The following NRAP variants were observed in gnomAD, a reference collection of about 807,000 sequenced individuals.
NRAP encodes nebulin related anchoring protein.
NRAP carries 189 observed loss-of-function variants against 225.9 expected under a neutral mutation model. That is an observed-to-expected ratio of 0.84 (90% CI 0.74 to 0.94). The LOEUF (loss-of-function observed/expected upper bound fraction) is 0.94. Among genes scored for constraint, NRAP ranks in the 40% least tolerant of loss-of-function variants. NRAP has a pLI of 0.00. For missense variants in NRAP, 2,176 were observed against 2,168.7 expected (o/e 1.00, Z -0.07); for synonymous variants, 769 against 790.7 (o/e 0.97, Z 0.46).
In NRAP at chr10:113,663,508, T is replaced by A. The variant is rs910055462; in HGVS notation, c.73-62A>T. On this transcript the variant is annotated intron_variant, in intron 1 of 41. Coordinates refer to ENST00000359988, the MANE Select transcript of NRAP (RefSeq NM_198060.4). ...TTTCCCCCCAGACTCAAGGTTCTTA[T>A]ATATTTTAGGGTAAAAAAATGAACT... 6.6e-6 allele frequency: 7 copies of A among 1,059,170 alleles called. No individual in the cohort carries two copies. The Admixed American group carries it at 1.4e-4, about 21-fold the overall frequency. The allele number at this position is 1,059,170 out of a possible 1,614,324, so 65.6% of individuals were successfully genotyped here. A position where few individuals can be genotyped will look rare whatever the true frequency, so the allele number is the denominator to read the frequency against.
chr10:113,602,958 A>G (rs1846697479), intron 35 of NRAP, among the ~76,000 whole-genome samples: 1 of 152,198 alleles, frequency 6.6e-6, no homozygotes, highest in South Asian at 2.1e-4. Flanking sequence ...AAGACCACGG[A>G]TGTTACTAAA....
In NRAP at chr10:113,604,741, G is replaced by C. The variant is rs764082203; in HGVS notation, c.4095C>G (p.His1365Gln). The change falls in exon 35 of 42, where the codon CAC becomes CAG. Residue 1365 changes from histidine to glutamine, a missense_variant. By Grantham distance (24) the His-to-Gln change is conservative. This residue lies in a region of NRAP where 1,708 missense variants were observed against 1,695.5 expected (regional missense o/e 1.01). Coordinates refer to ENST00000359988, the MANE Select transcript of NRAP (RefSeq NM_198060.4). ...CCTGGGCATTCTTGGCATGGACCAG[G>C]TGCACCATGTCCATGGGCAGATGGA... is the stretch of plus-strand genomic sequence containing the variant. ...AQFHLPMDMV[H>Q]LVHAKNAQAL... 15 of 1,614,078 alleles carry C rather than the reference G, an allele frequency of 9.3e-6. No individual in the cohort carries two copies. The South Asian group carries it at 1.3e-4, about 14-fold the overall frequency.
chr10:113,604,424 A>C (rs1334727346), intron 35 of NRAP, among the ~76,000 whole-genome samples, 185 bp downstream of exon 35: 5 of 152,176 alleles, frequency 3.3e-5, no homozygotes, highest in Non-Finnish European at 7.3e-5. Flanking sequence ...CTCAATAAAG[A>C]TTAGTTGAAT....
chr10:113,614,947 C>CT lies in NRAP; in HGVS notation c.3079-2dup. The stretch of plus-strand genomic sequence containing the variant: ...TGCTCCAGGATTCCTTATAACGCGT[C>CT]TGTCGGGAAGATGTGCACAAGGAAA... On this transcript the variant is annotated splice_acceptor_variant, in intron 27 of 41. Coordinates refer to ENST00000359988, the MANE Select transcript of NRAP (RefSeq NM_198060.4). LOFTEE classifies it high-confidence loss of function. 1 of 1,575,232 alleles carries CT rather than the reference C, an allele frequency of 6.3e-7. No homozygotes were observed. Among genetic ancestry groups the CT allele is most frequent in the South Asian group, 1.1e-5 (1 of 90,436 alleles).
At chr10:113,608,698 G>A (rs759868586) in intron 31 of NRAP, among the ~76,000 whole-genome samples, 186 bp from the exon 32 acceptor site, 3 of 152,230 alleles carry the variant, frequency 2.0e-5, no homozygotes, top group Non-Finnish European at 4.4e-5. Flanking sequence ...AAGCAGAGAG[G>A]AGGATAGGAT....
In NRAP at chr10:113,663,998, C is replaced by T. The variant is rs897044509; in HGVS notation, c.-116G>A. ...GACCATAAAATTCCTGTGGGCACCT[C>T]GATCTTTCAGAATCCAACTTCCACT... On this transcript the variant is annotated 5_prime_UTR_variant, in exon 1 of 42. Coordinates refer to ENST00000359988, the MANE Select transcript of NRAP (RefSeq NM_198060.4). The T allele has an allele frequency of 4.8e-5, 36 of 742,780 alleles. No individual in the cohort carries two copies. Among genetic ancestry groups the T allele is most frequent in the South Asian group, 1.1e-4 (7 of 63,768 alleles). 46.0% of individuals were successfully genotyped at this position (742,780 alleles called of 1,614,324 possible).
chr10:113,662,796 G>A (rs778873264), intron 2 of NRAP, 30 bp from the exon 3 acceptor site: 1 of 1,125,470 alleles, frequency 8.9e-7, no homozygotes, highest in African/African-American at 1.6e-5. Context: ...ATCAAAATTA[G>A]AAATGTACTT....
In NRAP at chr10:113,621,913, T is replaced by C. The variant is rs772865265; in HGVS notation, c.2725A>G (p.Met909Val). 5 of 1,613,864 alleles carry C rather than the reference T, an allele frequency of 3.1e-6. No homozygotes were observed. Among genetic ancestry groups the C allele is most frequent in the African/African-American group, 2.7e-5 (2 of 75,044 alleles). ...GCCTTCTTGGCCCATTCCACCTTCA[T>C]GTCTGTGGGCAAAGCCGTAAAGTGA... is the stretch of plus-strand genomic sequence containing the variant. ...EHHFTALPTD[M>V]KVEWAKKAYG... The change falls in exon 24 of 42, where the codon ATG becomes GTG. Residue 909 changes from methionine to valine, a missense_variant. Physicochemically the swap from Met to Val is conservative, Grantham distance 21. Transcript: ENST00000359988.
chr10:113,639,537 T>C (rs1849078032), intron 14 of NRAP, among the ~76,000 whole-genome samples: 1 of 152,246 alleles, frequency 6.6e-6, no homozygotes. Context: ...TAACCTTCTC[T>C]GGCAACCACA....
In NRAP at chr10:113,592,305, G is replaced by C; in HGVS notation, c.4537-4C>G. 6.2e-7 allele frequency: 1 copy of C among 1,602,876 alleles called. No homozygotes were observed. Among genetic ancestry groups the C allele is most frequent in the Non-Finnish European group, 8.5e-7 (1 of 1,170,954 alleles). ...CCCAGGAGTTTCTGTAGACTTTCTA[G>C]ATTGGAAAAACAAAAGCATGAGTAA... On this transcript the variant is annotated splice_region_variant and splice_polypyrimidine_tract_variant and intron_variant, in intron 38 of 41. Transcript: ENST00000359988.
intron 34 of NRAP, among the ~76,000 whole-genome samples, chr10:113,605,404 G>C (rs1176554608): frequency 6.6e-6 from 1 of 152,224 alleles, no homozygotes; most frequent in Non-Finnish European, 1.5e-5. Context: ...AGAGCCAAGA[G>C]GGAGATGTGT....
chr10:113,646,355 T>C (rs1290698741), intron 10 of NRAP, among the ~76,000 whole-genome samples: 1 of 152,048 alleles, frequency 6.6e-6, no homozygotes, highest in Non-Finnish European at 1.5e-5. Context: ...AATAGTTCTT[T>C]GGTAAAGGAA....
chr10:113,604,820 T>C lies in NRAP; in HGVS notation c.4016A>G (p.Gln1339Arg). 6.2e-7 allele frequency: 1 copy of C among 1,614,192 alleles called. No homozygotes were observed. The highest frequency in any genetic ancestry group is 8.5e-7 in the Non-Finnish European group (1 of 1,180,024). Residue 1339 changes from glutamine to arginine, a missense_variant, in exon 35 of 42, where the codon CAG becomes CGG. Around this residue, in one of 3 missense-constraint regions of NRAP, gnomAD observed 1,708 missense variants for 1,695.5 expected, o/e 1.01. Coordinates refer to ENST00000359988, the MANE Select transcript of NRAP (RefSeq NM_198060.4). ...PRIQHCRRMGQLQSELQYRRG... is the reference protein window; with the variant it reads ...PRIQHCRRMGRLQSELQYRRG... Reference sequence around the variant, plus strand: ...CCTGTACTGAAGCTCGCTCTGCAGCTGGCCCATGCGCCGGCAGTGCTGGAT... The same window carrying C: ...CCTGTACTGAAGCTCGCTCTGCAGCCGGCCCATGCGCCGGCAGTGCTGGAT...
intron 27 of NRAP, 101 bp from the exon 28 acceptor site, chr10:113,615,047 C>T: frequency 2.7e-6 from 2 of 746,146 alleles, no homozygotes; most frequent in Non-Finnish European, 4.9e-6. Context: ...TGGGTCCCCT[C>T]CCTCCCCTGG....
intron 40 of NRAP, 65 bp downstream of exon 40, chr10:113,590,513 A>C: frequency 6.7e-7 from 1 of 1,497,752 alleles, no homozygotes; most frequent in Non-Finnish European, 9.1e-7. Context: ...ACGTGGCATT[A>C]TGGCCATCTC....
intron 14 of NRAP, among the ~76,000 whole-genome samples, chr10:113,638,408 C>A (rs1437579446): frequency 6.6e-6 from 1 of 152,158 alleles, no homozygotes; most frequent in Non-Finnish European, 1.5e-5. Flanking sequence ...AAAGGGAATG[C>A]TCTCAAATTA....
At chr10:113,659,284 G>C (rs976149612) in intron 3 of NRAP, among the ~76,000 whole-genome samples, 1 of 152,022 alleles carries the variant, frequency 6.6e-6, no homozygotes, top group African/African-American at 2.4e-5. Context: ...AGATGTTTAA[G>C]AGCATCCCAG....
chr10:113,648,094 A>G (rs1849689659), intron 9 of NRAP, among the ~76,000 whole-genome samples: 1 of 152,192 alleles, frequency 6.6e-6, no homozygotes. Context: ...AATCTGAAAC[A>G]GCCCATATGG....
intron 3 of NRAP, among the ~76,000 whole-genome samples, chr10:113,657,986 T>C (rs1179183978): frequency 6.6e-6 from 1 of 152,226 alleles, no homozygotes; most frequent in Non-Finnish European, 1.5e-5. Context: ...TGCCTCACAA[T>C]TTTACCTTTA....
Sources: gnomAD v4.1 joint callset for allele counts (sites outside exome capture counted in the v4.1 genomes callset) on GRCh38, gnomAD v4.1.1 for gene constraint, gnomAD v4.1.1 regional missense constraint, MANE v1.5 for transcripts, NCBI Gene and HGNC (gene_info 2026-07-23, HGNC 2026-07-21) for gene names.